Variants in WDR64 observed in about 807,000 individuals in gnomAD.
The protein encoded by WDR64 is WD repeat domain 64.
In WDR64, 112 loss-of-function variants were observed where a neutral mutation model predicts 139.3. The observed-to-expected ratio is 0.80, with a 90% CI of 0.69 to 0.94. The LOEUF (loss-of-function observed/expected upper bound fraction) is 0.94. WDR64 is among the 40% of genes least tolerant of loss of function. WDR64 has a pLI of 0.00. For missense variants in WDR64, 1,206 were observed against 1,293.1 expected (o/e 0.93, Z 1.03); for synonymous variants, 444 against 437.7 (o/e 1.01, Z -0.18).
At chr1:241,781,029 GTATGCTTGAACCA>G (rs1236421657) in intron 22 of WDR64, among the ~76,000 whole-genome samples, 3 of 152,108 alleles carry the variant, frequency 2.0e-5, no homozygotes, top group Admixed American at 6.6e-5. Context: ...AAAACAAACC[GTATGCTTGAACCA>G]TATATAGGTG....
intron 1 of WDR64, among the ~76,000 whole-genome samples, chr1:241,658,506 G>A (rs1426331720): frequency 6.6e-6 from 1 of 151,888 alleles, no homozygotes; most frequent in Non-Finnish European, 1.5e-5. Context: ...GGGTGTGGTG[G>A]TGGGTGCCTG....
chr1:241,792,406 T>A (rs190138984), intron 25 of WDR64, among the ~76,000 whole-genome samples: 5 of 151,944 alleles, frequency 3.3e-5, no homozygotes, highest in Non-Finnish European at 7.4e-5. Context: ...CGTGGTGGTG[T>A]GCACCTGTAG....
chr1:241,689,977 CAT>C (rs959314211), intron 8 of WDR64, among the ~76,000 whole-genome samples: 3 of 151,646 alleles, frequency 2.0e-5, no homozygotes, highest in Non-Finnish European at 4.4e-5. Flanking sequence ...AAAAGTGTAA[CAT>C]ATGTGTGATG....
rs539528008 is a variant in WDR64, at chr1:241,693,622, CTG to C, written c.974+6030_974+6031del. 3.8e-4 allele frequency among the ~76,000 whole-genome samples: 58 copies of C among 152,262 alleles called. 2 individuals are homozygous for C. In the South Asian group the frequency reaches 0.012, roughly 31 times the overall value. Reference sequence around the variant, plus strand: ...TGTGGGATTTTGATTTCGGGAGAGACTGTGCATGTGTGGGGACAGGGAGTATG... The same window carrying C: ...TGTGGGATTTTGATTTCGGGAGAGACTGCATGTGTGGGGACAGGGAGTATG... On this transcript the variant is annotated intron_variant, in intron 8 of 27. Coordinates refer to ENST00000437684, the MANE Select transcript of WDR64 (RefSeq NM_001367482.1).
rs1249293255 is a variant in WDR64 at position 241,656,304 on chromosome 1, A to G, written c.145+3675A>G. 6.6e-6 allele frequency among the ~76,000 whole-genome samples: 1 copy of G among 152,194 alleles called. No individual in the cohort carries two copies. Among genetic ancestry groups the G allele is most frequent in the Admixed American group, 6.5e-5 (1 of 15,288 alleles). On this transcript the variant is annotated intron_variant, in intron 1 of 27. Coordinates refer to ENST00000437684, the MANE Select transcript of WDR64 (RefSeq NM_001367482.1). This position sits in a 1 kb window ranked among gnomAD's most constrained non-coding sequence, Gnocchi z 4.3. ...CTAAGAACTAGAGAGAATGTTTTTA[A>G]TGGAACAGGGTCTGCCTCAGAAATG...
intron 16 of WDR64, among the ~76,000 whole-genome samples, chr1:241,768,337 C>A (rs761344908): frequency 2.0e-5 from 3 of 152,062 alleles, no homozygotes; most frequent in Non-Finnish European, 2.9e-5. Context: ...TCATTTAGGC[C>A]CAGGTTTAAA....
intron 25 of WDR64, among the ~76,000 whole-genome samples, chr1:241,791,395 G>A (rs1031748831): frequency 2.6e-5 from 4 of 152,166 alleles, no homozygotes; most frequent in African/African-American, 4.8e-5. Flanking sequence ...TATGTGGGCC[G>A]GGCACAGTGG....
At chr1:241,727,708 A>G (rs184909100) in intron 10 of WDR64, among the ~76,000 whole-genome samples, 90 of 152,292 alleles carry the variant, frequency 5.9e-4, no homozygotes, top group African/African-American at 1.7e-3. Context: ...CAAAGTAACA[A>G]GTACATAAGA....
intron 7 of WDR64, among the ~76,000 whole-genome samples, 181 bp downstream of exon 7, chr1:241,683,882 C>CAA (rs1164406846): frequency 6.6e-6 from 1 of 151,712 alleles, no homozygotes; most frequent in Non-Finnish European, 1.5e-5. Flanking sequence ...CACACACACA[C>CAA]ACACACACAC....
In WDR64 at chr1:241,769,412, C is replaced by A; in HGVS notation, c.2090C>A (p.Pro697His). Reference protein sequence around the residue: ...VTSTVKKVYRPEDCFTVNPDL... With the variant: ...VTSTVKKVYRHEDCFTVNPDL... ...TGTATACTTACTTCTAGGTACCGACCTGAAGATTGCTTCACTGTAAACCCT... is the reference window on the plus strand; with the variant it reads ...TGTATACTTACTTCTAGGTACCGACATGAAGATTGCTTCACTGTAAACCCT... The change falls in exon 17 of 28, where the codon CCT (proline) becomes CAT (histidine). Residue 697 changes from proline (P) to histidine (H), a missense_variant. Coordinates refer to ENST00000437684, the MANE Select transcript of WDR64 (RefSeq NM_001367482.1). 6.4e-7 allele frequency: 1 copy of A among 1,551,258 alleles called. No homozygotes were observed. Among genetic ancestry groups the A allele is most frequent in the South Asian group, 1.2e-5 (1 of 84,034 alleles).
chr1:241,795,533 A>G (rs548234851), intron 26 of WDR64, among the ~76,000 whole-genome samples: 1 of 152,338 alleles, frequency 6.6e-6, no homozygotes, highest in East Asian at 1.9e-4. Context: ...CTTGTCAACT[A>G]CAGGGTAAAA....
intron 8 of WDR64, among the ~76,000 whole-genome samples, chr1:241,695,768 T>G (rs1667459163): frequency 6.6e-6 from 1 of 152,164 alleles, no homozygotes; most frequent in Non-Finnish European, 1.5e-5. Context: ...ATCTTTATAC[T>G]GGTGCATTTA....
chr1:241,698,152 C>T (rs1239562170), intron 8 of WDR64, among the ~76,000 whole-genome samples: 1 of 152,188 alleles, frequency 6.6e-6, no homozygotes, highest in East Asian at 1.9e-4. Context: ...ATGATCATAT[C>T]TGAGCTTAAC....
At chr1:241,690,225 G>A (rs564218150) in intron 8 of WDR64, among the ~76,000 whole-genome samples, 3 of 151,858 alleles carry the variant, frequency 2.0e-5, no homozygotes, top group Non-Finnish European at 2.9e-5. Flanking sequence ...GTAATCCCAG[G>A]ACTTTGGGAG....
intron 15 of WDR64, among the ~76,000 whole-genome samples, chr1:241,760,739 T>C (rs1309930034): frequency 6.8e-6 from 1 of 147,958 alleles, no homozygotes; most frequent in African/African-American, 2.5e-5. Flanking sequence ...TTATTTTATA[T>C]ATATATATAG....
At chr1:241,655,873 A>G (rs1266325245) in intron 1 of WDR64, among the ~76,000 whole-genome samples, 1 of 152,020 alleles carries the variant, frequency 6.6e-6, no homozygotes, top group East Asian at 1.9e-4. Context: ...TTAACCTGCT[A>G]AAGTTGATAT....
At chr1:241,720,182 T>C (rs1668553387) in intron 9 of WDR64, among the ~76,000 whole-genome samples, 1 of 152,210 alleles carries the variant, frequency 6.6e-6, no homozygotes, top group Non-Finnish European at 1.5e-5. Context: ...ATGTACCATA[T>C]TTTCTTTATC....
intron 8 of WDR64, among the ~76,000 whole-genome samples, chr1:241,702,232 A>G (rs554509545): frequency 4.6e-5 from 7 of 152,328 alleles, no homozygotes; most frequent in African/African-American, 1.7e-4. Context: ...GAGGCAGATT[A>G]TCATATTAGA....
intron 9 of WDR64, among the ~76,000 whole-genome samples, chr1:241,714,790 C>T (rs952399564): frequency 2.6e-5 from 4 of 152,144 alleles, no homozygotes; most frequent in African/African-American, 9.7e-5. Flanking sequence ...CATCGCCTGG[C>T]CAATCACCAA....
Sources: gnomAD v4.1 joint callset for allele counts (sites outside exome capture counted in the v4.1 genomes callset) on GRCh38, gnomAD v4.1.1 for gene constraint, Gnocchi (gnomAD v3.1) non-coding constraint, MANE v1.5 for transcripts, NCBI Gene and HGNC (gene_info 2026-07-23, HGNC 2026-07-21) for gene names.